Variants in PDE1C observed in about 807,000 individuals in gnomAD.
PDE1C encodes the protein dual specificity calcium/calmodulin-dependent 3',5'-cyclic nucleotide phosphodiesterase 1C.
Under a neutral mutation model 93.1 loss-of-function variants are expected in PDE1C, and 62 were observed. The ratio of observed to expected loss-of-function variants is 0.67; its 90% CI spans 0.54 to 0.82. PDE1C has a LOEUF of 0.82. PDE1C is among the 40% of genes least tolerant of loss of function. PDE1C has a pLI of 0.00. For synonymous variants in PDE1C, 325 were observed against 310.1 expected (o/e 1.05, Z -0.50); for missense variants, 742 against 884.6 (o/e 0.84, Z 2.04).
At chr7:31,869,809 C>CA (rs1161497512) in intron 6 of PDE1C, among the ~76,000 whole-genome samples, 1 of 152,044 alleles carries the variant, frequency 6.6e-6, no homozygotes. Context: ...AGCTACAGAA[C>CA]ACAAATTTTT....
At chr7:32,119,345 C>A (rs542688381) in intron 3 of PDE1C, among the ~76,000 whole-genome samples, 2 of 152,298 alleles carry the variant, frequency 1.3e-5, no homozygotes, top group East Asian at 3.9e-4. Context: ...TCACTTCAGG[C>A]TCCTGTTGGT....
At chr7:32,070,417 C>T (rs1001142421), upstream of PDE1C, 3 of 1,613,728 alleles carry the variant, frequency 1.9e-6, no homozygotes, top group Non-Finnish European at 2.5e-6. Flanking sequence ...TGACCACTGG[C>T]GGTGAAGCTG....
In PDE1C at chr7:32,005,578, A is replaced by AAAAAAAAAAAAAAAAAAAAAAAC. The variant is rs1204630246; in HGVS notation, c.128+45975_128+45976insGTTTTTTTTTTTTTTTTTTTTTT. Among the ~76,000 whole-genome samples, 5 of 103,716 alleles carry AAAAAAAAAAAAAAAAAAAAAAAC rather than the reference A, an allele frequency of 4.8e-5. 1 individual carries two copies. The highest frequency in any genetic ancestry group is 1.0e-4 in the Non-Finnish European group (5 of 49,900). The allele number at this position is 103,716 out of a possible 152,430, so 68.0% of individuals were successfully genotyped here. On this transcript the variant is annotated intron_variant, in intron 2 of 17. Coordinates refer to ENST00000396191, the MANE Select transcript of PDE1C (RefSeq NM_001191057.4). ...TTCAAAAAAAAAAAAAAAAAAAAAA[A>AAAAAAAAAAAAAAAAAAAAAAAC]AAAGAATTGTGATCTGAGAAATCAC...
At chr7:32,170,240 A>G (rs1343771943) in intron 2 of PDE1C, among the ~76,000 whole-genome samples, 1 of 152,094 alleles carries the variant, frequency 6.6e-6, no homozygotes, top group East Asian at 1.9e-4. Context: ...GTATCTATGT[A>G]GATGTTTATT....
At chr7:31,749,659 C>A (rs1376305433), downstream of PDE1C, among the ~76,000 whole-genome samples, 1 of 151,446 alleles carries the variant, frequency 6.6e-6, no homozygotes, top group Non-Finnish European at 1.5e-5. Flanking sequence ...GCAGACAAAT[C>A]GGTGCTTCGG....
chr7:32,349,769 G>A (rs1783923264), intron 1 of PDE1C, among the ~76,000 whole-genome samples: 1 of 151,940 alleles, frequency 6.6e-6, no homozygotes, highest in Non-Finnish European at 1.5e-5. Flanking sequence ...AGCTGGGACT[G>A]CAGGCGCATG....
At chr7:32,010,177 G>A (rs1786884708) in intron 2 of PDE1C, among the ~76,000 whole-genome samples, 1 of 152,028 alleles carries the variant, frequency 6.6e-6, no homozygotes, top group Admixed American at 6.6e-5. Flanking sequence ...AATGCCAAAG[G>A]CCTAAAATAG....
chr7:32,289,940 G>A (rs1812230236), intron 1 of PDE1C, among the ~76,000 whole-genome samples: 2 of 152,226 alleles, frequency 1.3e-5, no homozygotes, highest in Admixed American at 6.5e-5. Context: ...CTCAAACTCT[G>A]GCAGCAGTAC....
the PDE1C span, among the ~76,000 whole-genome samples, chr7:31,693,122 G>A: frequency 0.38 from 57,870 of 151,886 alleles, 11,681 homozygotes; most frequent in East Asian, 0.67. Context: ...TATGCCTCAC[G>A]TGGTTATGAC....
chr7:31,655,940 C>A, the PDE1C span: 3 of 985,244 alleles, frequency 3.0e-6, no homozygotes, highest in Non-Finnish European at 3.6e-6. Context: ...TCATTTCCTG[C>A]TCATCCCTCA....
intron 2 of PDE1C, among the ~76,000 whole-genome samples, chr7:31,891,710 G>A (rs1798657254): frequency 6.6e-6 from 1 of 151,968 alleles, no homozygotes; most frequent in Non-Finnish European, 1.5e-5. Context: ...GGGCAACAAA[G>A]GGAACCTACT....
intron 2 of PDE1C, among the ~76,000 whole-genome samples, chr7:32,172,004 GT>G (rs1240152113): frequency 6.6e-6 from 1 of 150,908 alleles, no homozygotes; most frequent in Non-Finnish European, 1.5e-5. Context: ...TAATTTTTCT[GT>G]AAATCTAAAA....
Position 31,841,032 on chromosome 7 carries a change from G to A in PDE1C, c.981-3061C>T, listed in dbSNP as rs576019216. 1.1e-4 allele frequency among the ~76,000 whole-genome samples: 16 copies of A among 152,122 alleles called. No homozygotes were observed. In the South Asian group the frequency reaches 2.9e-3, roughly 28 times the overall value. ...CCGAGTGTTCCACTACATGATGACA[G>A]TATATCTCTCTATGTATTTAGTTCC... On this transcript the variant is annotated intron_variant, in intron 9 of 17. Coordinates refer to ENST00000396191, the MANE Select transcript of PDE1C (RefSeq NM_001191057.4).
At chr7:31,839,607 C>T (rs1325729014) in intron 9 of PDE1C, among the ~76,000 whole-genome samples, 2 of 152,162 alleles carry the variant, frequency 1.3e-5, no homozygotes, top group Non-Finnish European at 2.9e-5. Context: ...TTATTAGATT[C>T]TAGTTTGGAA....
chr7:31,803,278 T>C (rs956459460), intron 16 of PDE1C, among the ~76,000 whole-genome samples: 21 of 151,944 alleles, frequency 1.4e-4, no homozygotes, highest in African/African-American at 4.8e-4. Flanking sequence ...AAAAAGATCT[T>C]CCATGTGTCT....
the PDE1C span, among the ~76,000 whole-genome samples, chr7:31,728,078 C>T: frequency 6.6e-6 from 1 of 152,090 alleles, no homozygotes; most frequent in African/African-American, 2.4e-5. Context: ...GTGATATCCA[C>T]TTAAGGTTGA....
chr7:32,333,292 C>T (rs1783549068), intron 1 of PDE1C, among the ~76,000 whole-genome samples: 1 of 152,150 alleles, frequency 6.6e-6, no homozygotes, highest in African/African-American at 2.4e-5. Context: ...GAATTTTTCT[C>T]CCAACTTTTG....
In PDE1C at chr7:31,777,323, A is replaced by G. The variant is rs191158483; in HGVS notation, c.1892-1591T>C. ...TTTGGATGACGTTTGATATCGTTCC[A>G]TTTTATTTTATTTATTTATTTTTGA... On this transcript the variant is annotated intron_variant, in intron 16 of 17. Transcript: ENST00000396191. Among the ~76,000 whole-genome samples, 833 of 151,888 alleles carry G rather than the reference A, an allele frequency of 5.5e-3. 3 individuals carry two copies. The highest frequency in any genetic ancestry group is 8.7e-3 in the Non-Finnish European group (589 of 67,896).
intron 2 of PDE1C, among the ~76,000 whole-genome samples, chr7:32,186,486 A>G (rs1396208096): frequency 1.3e-5 from 2 of 152,196 alleles, no homozygotes; most frequent in Non-Finnish European, 2.9e-5. Context: ...CTAAGAAGAC[A>G]GCAATGGCAA....
Sources: allele counts gnomAD v4.1 joint callset (sites outside exome capture counted in the v4.1 genomes callset), GRCh38; gene constraint gnomAD v4.1.1; transcripts MANE v1.5; gene names NCBI Gene and HGNC (gene_info 2026-07-23, HGNC 2026-07-21).